The following ZNF544 variants were observed in gnomAD, a reference collection of about 807,000 sequenced individuals.
ZNF544 encodes zinc finger protein AF020591.
ZNF544 carries 10 observed loss-of-function variants against 13.5 expected under a neutral mutation model. The observed-to-expected ratio is 0.74, with a 90% confidence interval of 0.46 to 1.25. ZNF544 has a LOEUF of 1.25. Ranked by LOEUF, ZNF544 falls within the 50% of genes most tolerant of loss-of-function variation. ZNF544 has a pLI of 0.00. For synonymous variants in ZNF544, 323 were observed against 300.5 expected, an observed-to-expected ratio of 1.07 and a Z score of -0.77; for missense variants, 896 against 845.6, an observed-to-expected ratio of 1.06 and a Z score of -0.74.
At chr19:58,270,053 A>C (rs1241097553) in intron 5 of ZNF544, among the ~76,000 whole-genome samples, 1 of 152,248 alleles carries the variant, frequency 6.6e-6, no homozygotes, top group East Asian at 1.9e-4. Flanking sequence ...TTAAAAAAAA[A>C]GGTAATTTTA....
chr19:58,277,443 T>C, exon 7 of ZNF544: 4 of 401,128 alleles, frequency 1.0e-5, no homozygotes, highest in Non-Finnish European at 1.7e-5. Flanking sequence ...CAAGTAACTA[T>C]ACTGTTCCCT....
At position 58,262,195 on chromosome 19, in the gene ZNF544, C is replaced by T; in HGVS notation, c.1589C>T (p.Ser530Phe). 1 of 1,613,396 alleles carries T rather than the reference C, an allele frequency of 6.2e-7. No homozygotes were observed. The highest frequency in any genetic ancestry group is 1.1e-5 in the South Asian group (1 of 91,036). The change falls in exon 7 of 7, where the codon TCC (serine) becomes TTC (phenylalanine). Residue 530 changes from serine to phenylalanine, a missense_variant. Transcript: ENST00000687789. ...TGCAACCTGTGTGGGAAATCCTTCTCCCAGAGTTCCAAACTTATTACGCAT... is the reference window on the plus strand; with the variant it reads ...TGCAACCTGTGTGGGAAATCCTTCTTCCAGAGTTCCAAACTTATTACGCAT... Reference protein sequence around the residue: ...YECNLCGKSFSQSSKLITHQR... With the variant: ...YECNLCGKSFFQSSKLITHQR...
At chr19:58,246,857 C>T in intron 6 of ZNF544, 63 bp downstream of exon 6, 1 of 1,514,184 alleles carries the variant, frequency 6.6e-7, no homozygotes, top group East Asian at 2.3e-5. Context: ...GAGCTCTCCG[C>T]AGGGCCCCAG....
chr19:58,235,676 G>A (rs1730605661), intron 3 of ZNF544, among the ~76,000 whole-genome samples: 1 of 152,158 alleles, frequency 6.6e-6, no homozygotes, highest in South Asian at 2.1e-4. Context: ...TAGTGCATAT[G>A]TATTTCTAAA....
In ZNF544 at chr19:58,262,026, A is replaced by C; in HGVS notation, c.1420A>C (p.Ser474Arg). The C allele has an allele frequency of 6.2e-7, 1 of 1,613,460 alleles. No individual in the cohort carries two copies. The highest frequency in any genetic ancestry group is 2.2e-5 in the East Asian group (1 of 44,822). ...YECTHCGKSFSQSYELVTHKR... is the reference protein window; with the variant it reads ...YECTHCGKSFRQSYELVTHKR... The stretch of plus-strand genomic sequence containing the variant: ...GTGCACTCACTGTGGAAAGTCCTTC[A>C]GCCAAAGCTATGAGTTAGTTACACA... Residue 474 changes from serine to arginine, a missense_variant, in exon 7 of 7, where the codon AGC (serine) becomes CGC (arginine). Physicochemically the swap from Ser to Arg is moderately radical, Grantham distance 110 (BLOSUM62 -1). Coordinates refer to ENST00000687789, the MANE Select transcript of ZNF544 (RefSeq NM_014480.4).
At chr19:58,253,592 C>T (rs549768166) in intron 6 of ZNF544, among the ~76,000 whole-genome samples, 86 of 152,288 alleles carry the variant, frequency 5.6e-4, no homozygotes, top group African/African-American at 2.0e-3. Context: ...GCATGCACCA[C>T]CACATCCAGT....
At chr19:58,231,445 G>A (rs538827604) in intron 3 of ZNF544, among the ~76,000 whole-genome samples, 40 of 152,354 alleles carry the variant, frequency 2.6e-4, no homozygotes, top group African/African-American at 5.1e-4. Flanking sequence ...AGGGTACAGT[G>A]CCTGGCCTGT....
chr19:58,232,198 C>A (rs1196685756), intron 3 of ZNF544, among the ~76,000 whole-genome samples: 2 of 152,012 alleles, frequency 1.3e-5, no homozygotes, highest in Non-Finnish European at 2.9e-5. Flanking sequence ...AAGATACGCT[C>A]TACTTAGAAG....
intron 5 of ZNF544, among the ~76,000 whole-genome samples, chr19:58,271,170 T>C (rs1233548692): frequency 6.9e-6 from 1 of 145,502 alleles, no homozygotes; most frequent in Non-Finnish European, 1.5e-5. Flanking sequence ...TGAGATTGCA[T>C]CACTGTGCTC....
chr19:58,265,537 C>T (rs1042753023), downstream of ZNF544, among the ~76,000 whole-genome samples: 12 of 152,118 alleles, frequency 7.9e-5, no homozygotes, highest in South Asian at 2.1e-4. Context: ...CCTCATGATC[C>T]GCCCACCTCG....
intron 3 of ZNF544, among the ~76,000 whole-genome samples, chr19:58,236,166 T>G (rs915293975): frequency 6.6e-6 from 1 of 152,078 alleles, no homozygotes; most frequent in African/African-American, 2.4e-5. Flanking sequence ...GCCCAAGAGT[T>G]TGAGACCAGC....
rs111967723 is a variant in ZNF544 at position 58,250,784 on chromosome 19, T to A, written c.244+3990T>A. On this transcript the variant is annotated intron_variant, in intron 6 of 6. Transcript: ENST00000687789. ...TCCTGTCATCGTAGTTCATGTTTTT[T>A]TCCCCAAGGCCAAAGATTGGGCTGG... 5.0e-3 allele frequency among the ~76,000 whole-genome samples: 758 copies of A among 152,348 alleles called. 10 individuals are homozygous for A. Among genetic ancestry groups the A allele is most frequent in the African/African-American group, 0.017 (697 of 41,572 alleles).
At chr19:58,276,508 C>T in intron 6 of ZNF544, 1 of 949,892 alleles carries the variant, frequency 1.1e-6, no homozygotes, top group Non-Finnish European at 1.4e-6. Context: ...CACTCTGTCG[C>T]CCAGGCTGGA....
Position 58,261,884 on chromosome 19 carries a change from T to A in ZNF544, c.1278T>A (p.His426Gln). The change falls in exon 7 of 7, where the codon CAT becomes CAA. Residue 426 changes from histidine to glutamine, a missense_variant. Physicochemically the swap from His to Gln is conservative, Grantham distance 24. Transcript: ENST00000687789. ...SFTQRSKLIT[H>Q]QRIHTGEKPY... ...CCCAGAGATCCAAACTTATTACACA[T>A]CAGCGAATTCACACTGGAGAAAAAC... is the stretch of plus-strand genomic sequence containing the variant. 1 of 1,612,570 alleles carries A rather than the reference T, an allele frequency of 6.2e-7. No homozygotes were observed. Among genetic ancestry groups the A allele is most frequent in the Non-Finnish European group, 8.5e-7 (1 of 1,179,698 alleles).
chr19:58,249,052 T>C (rs1033933170), intron 6 of ZNF544, among the ~76,000 whole-genome samples: 1 of 152,180 alleles, frequency 6.6e-6, no homozygotes, highest in Non-Finnish European at 1.5e-5. Context: ...CAGGAAGAGG[T>C]ACTTTCCATT....
rs374877143 is a variant in ZNF544, at chr19:58,261,474, C to A, written c.868C>A (p.Pro290Thr). ...SHSVSLNEQKPVHFGKSQYEC... is the reference protein window; with the variant it reads ...SHSVSLNEQKTVHFGKSQYEC... ...CAGTGTGTCTCTGAATGAACAGAAG[C>A]CAGTGCATTTTGGGAAAAGTCAGTA... Residue 290 changes from proline (P) to threonine (T), a missense_variant, in exon 7 of 7, where the codon CCA becomes ACA. Coordinates refer to ENST00000687789, the MANE Select transcript of ZNF544 (RefSeq NM_014480.4). 1 of 1,614,024 alleles carries A rather than the reference C, an allele frequency of 6.2e-7. No individual in the cohort carries two copies. Among genetic ancestry groups the A allele is most frequent in the Non-Finnish European group, 8.5e-7 (1 of 1,180,054 alleles).
chr19:58,251,242 T>C, intron 6 of ZNF544: 1 of 509,340 alleles, frequency 2.0e-6, no homozygotes, highest in East Asian at 5.5e-5. Flanking sequence ...TTAAAGTAAC[T>C]AAGCAACAAA....
Position 58,251,445 on chromosome 19 carries a change from AG to A in ZNF544, c.244+4653del, listed in dbSNP as rs146980259. ...CTAATCCTAGTACTTTGACCCCAGA[AG>A]GCATGGCCAGTACTGAAAATGGTCC... On this transcript the variant is annotated intron_variant, in intron 6 of 6. Transcript: ENST00000687789. 739 of 510,512 alleles carry A rather than the reference AG, an allele frequency of 1.4e-3. 6 individuals carry two copies. The highest frequency in any genetic ancestry group is 0.013 in the African/African-American group (675 of 51,954). 31.6% of individuals were successfully genotyped at this position (510,512 alleles called of 1,614,324 possible).
At chr19:58,275,267 T>C (rs2051128372) in intron 5 of ZNF544, among the ~76,000 whole-genome samples, 1 of 152,140 alleles carries the variant, frequency 6.6e-6, no homozygotes, top group Admixed American at 6.6e-5. Context: ...CTCTGACTTA[T>C]CCCTGAATTC....
Sources: allele counts gnomAD v4.1 joint callset (sites outside exome capture counted in the v4.1 genomes callset), GRCh38; gene constraint gnomAD v4.1.1; transcripts MANE v1.5; gene names NCBI Gene and HGNC (gene_info 2026-07-23, HGNC 2026-07-21).